The following FAM227A variants were observed in gnomAD, a reference collection of about 807,000 sequenced individuals.
FAM227A encodes the protein family with sequence similarity 227 member A, also known as protein FAM227A.
FAM227A carries 80 observed loss-of-function variants against 74.7 expected under a neutral mutation model. The observed-to-expected ratio is 1.07, with a 90% CI of 0.89 to 1.29. The LOEUF (loss-of-function observed/expected upper bound fraction) is 1.29, where lower values mean the gene tolerates loss of function less well. FAM227A is among the 50% of genes most tolerant of loss of function. FAM227A has a pLI of 0.00. For synonymous variants in FAM227A, 237 were observed against 241.8 expected, an observed-to-expected ratio of 0.98 and a Z score of 0.19; for missense variants, 654 against 683.4, an observed-to-expected ratio of 0.96 and a Z score of 0.48.
intron 11 of FAM227A, among the ~76,000 whole-genome samples, chr22:38,616,174 GT>G (rs1422938800): frequency 6.6e-6 from 1 of 152,214 alleles, no homozygotes; most frequent in Non-Finnish European, 1.5e-5. Flanking sequence ...ACTGTCAAAA[GT>G]TTGGCAACAA....
chr22:38,627,249 A>C (rs938161424), intron 8 of FAM227A, among the ~76,000 whole-genome samples: 1 of 152,048 alleles, frequency 6.6e-6, no homozygotes, highest in African/African-American at 2.4e-5. Context: ...TTATATGCTT[A>C]TTTAAATACT....
intron 3 of FAM227A, among the ~76,000 whole-genome samples, chr22:38,642,898 T>G (rs1417725675): frequency 2.6e-5 from 4 of 152,026 alleles, no homozygotes; most frequent in Admixed American, 2.6e-4. Context: ...ATTGCACCAC[T>G]GCACTCTAGC....
chr22:38,583,026 AGT>A lies in FAM227A; in HGVS notation c.*3097_*3098del. The stretch of plus-strand genomic sequence containing the variant: ...CAGACAAAAGATCCAGAAATAGGAA[AGT>A]GTGGTTCCTAGAGAAACTGCAAATG... On this transcript the variant is annotated 3_prime_UTR_variant, in exon 17 of 17. Coordinates refer to ENST00000535113, the MANE Select transcript of FAM227A (RefSeq NM_001013647.2). 6.8e-7 allele frequency: 1 copy of A among 1,479,218 alleles called. No homozygotes were observed. Among genetic ancestry groups the A allele is most frequent in the Non-Finnish European group, 9.2e-7 (1 of 1,086,316 alleles). The allele number at this position is 1,479,218 out of a possible 1,614,324, so 91.6% of individuals were successfully genotyped here.
At chr22:38,630,894 G>A (rs748933629) in intron 6 of FAM227A, among the ~76,000 whole-genome samples, 3 of 152,188 alleles carry the variant, frequency 2.0e-5, no homozygotes, top group Non-Finnish European at 4.4e-5. Context: ...ATGGCCAGGC[G>A]CAGTGGCTCA....
chr22:38,655,001 A>G (rs1045542671), intron 1 of FAM227A, among the ~76,000 whole-genome samples: 1 of 137,398 alleles, frequency 7.3e-6, no homozygotes, highest in African/African-American at 2.7e-5. Flanking sequence ...TTAGCCTGGC[A>G]TGGTGGCGGG....
At chr22:38,615,306 G>C (rs1189924224) in intron 11 of FAM227A, among the ~76,000 whole-genome samples, 1 of 152,218 alleles carries the variant, frequency 6.6e-6, no homozygotes, top group East Asian at 1.9e-4. Flanking sequence ...TTACAGGCTT[G>C]AGCCATCGCG....
chr22:38,640,565 C>A (rs999104977), intron 3 of FAM227A, among the ~76,000 whole-genome samples: 1 of 152,104 alleles, frequency 6.6e-6, no homozygotes, highest in Non-Finnish European at 1.5e-5. Context: ...TGATTGTCAA[C>A]CAAGAGTCCA....
At chr22:38,631,333 C>T (rs1331516147) in intron 6 of FAM227A, among the ~76,000 whole-genome samples, 1 of 151,964 alleles carries the variant, frequency 6.6e-6, no homozygotes, top group Non-Finnish European at 1.5e-5. Context: ...GGGAGCTGAA[C>T]ACTGGGTACG....
intron 2 of FAM227A, among the ~76,000 whole-genome samples, chr22:38,647,262 C>T (rs947058319): frequency 2.0e-5 from 3 of 151,632 alleles, no homozygotes; most frequent in African/African-American, 4.9e-5. Context: ...GTCAGGAGTT[C>T]GAGACTAGCC....
intron 14 of FAM227A, 78 bp downstream of exon 14, chr22:38,599,686 A>G: frequency 2.2e-6 from 3 of 1,389,996 alleles, no homozygotes; most frequent in Non-Finnish European, 2.9e-6. Context: ...CCTGGGTGCC[A>G]TTCCCTGACC....
At chr22:38,600,654 T>G (rs954783969) in intron 13 of FAM227A, among the ~76,000 whole-genome samples, 1 of 152,018 alleles carries the variant, frequency 6.6e-6, no homozygotes, top group Admixed American at 6.6e-5. Context: ...GTTATATATT[T>G]TATAGAAAAT....
At chr22:38,611,554 A>G (rs1022952939) in intron 11 of FAM227A, among the ~76,000 whole-genome samples, 1 of 152,184 alleles carries the variant, frequency 6.6e-6, no homozygotes, top group African/African-American at 2.4e-5. Flanking sequence ...GATTGAATCT[A>G]TAAGAATCAA....
intron 10 of FAM227A, among the ~76,000 whole-genome samples, chr22:38,622,816 C>T (rs2091718295): frequency 7.5e-6 from 1 of 133,476 alleles, no homozygotes; most frequent in Admixed American, 9.0e-5. Context: ...GTGGAGGTTG[C>T]AGTAAGCCGA....
In FAM227A at chr22:38,628,909, C is replaced by T; in HGVS notation, c.546G>A (p.Glu182=). ...GKHFCSGREL[E]KFLSSSSPRA... ...TTGGAGAAGAAGAAGAGAGAAACTT[C>T]TCTAATTCTCTACCTGAACAGAAAT... Residue 182 remains glutamate, a synonymous_variant, in exon 7 of 17, where the codon GAG becomes GAA. Coordinates refer to ENST00000535113, the MANE Select transcript of FAM227A (RefSeq NM_001013647.2). 2 of 1,538,416 alleles carry T rather than the reference C, an allele frequency of 1.3e-6. No individual in the cohort carries two copies. The highest frequency in any genetic ancestry group is 2.0e-5 in the Admixed American group (1 of 49,346).
At chr22:38,650,693 T>C (rs2092310394) in intron 1 of FAM227A, among the ~76,000 whole-genome samples, 1 of 152,130 alleles carries the variant, frequency 6.6e-6, no homozygotes, top group Non-Finnish European at 1.5e-5. Context: ...GATTCTAGAA[T>C]AAGGGGTCCA....
At chr22:38,608,921 G>A (rs1438689486) in intron 11 of FAM227A, among the ~76,000 whole-genome samples, 6 of 149,232 alleles carry the variant, frequency 4.0e-5, no homozygotes, top group African/African-American at 7.4e-5. Flanking sequence ...TCAGCTCCCC[G>A]AGTAGCTGGG....
chr22:38,628,833 C>T lies in FAM227A; in HGVS notation c.621+1G>A. 1.3e-6 allele frequency: 2 copies of T among 1,489,184 alleles called. No individual in the cohort carries two copies. The highest frequency in any genetic ancestry group is 2.5e-5 in the East Asian group (1 of 40,556). The allele number at this position is 1,489,184 out of a possible 1,614,324, so 92.2% of individuals were successfully genotyped here. On this transcript the variant is annotated splice_donor_variant, in intron 7 of 16. Coordinates refer to ENST00000535113, the MANE Select transcript of FAM227A (RefSeq NM_001013647.2). LOFTEE classifies it high-confidence loss of function. The stretch of plus-strand genomic sequence containing the variant: ...AGAGAAACAAGCAGATTTGTATTTA[C>T]CTGGTACCTCTCATGAAATATCCAC...
At chr22:38,594,621 T>C (rs1169072371) in intron 15 of FAM227A, among the ~76,000 whole-genome samples, 3 of 152,174 alleles carry the variant, frequency 2.0e-5, no homozygotes, top group Non-Finnish European at 4.4e-5. Flanking sequence ...TGATGTCTAA[T>C]GGGGTTTTGT....
chr22:38,578,693 T>G lies in FAM227A; in HGVS notation c.*7432A>C. 2 of 152,040 alleles carry G rather than the reference T, an allele frequency of 1.3e-5. No homozygotes were observed. The highest frequency in any genetic ancestry group is 6.6e-5 in the Admixed American group (1 of 15,224). The allele number at this position is 152,040 out of a possible 1,614,324, so 9.4% of individuals were successfully genotyped here. A position where few individuals can be genotyped will look rare whatever the true frequency, so the allele number is the denominator to read the frequency against. Reference sequence around the variant, plus strand: ...AACCAAGCAGAGGCTCTCTCTGGGGTTGCGGGGATGGTGGCCCTTAGCTTG... The same window carrying G: ...AACCAAGCAGAGGCTCTCTCTGGGGGTGCGGGGATGGTGGCCCTTAGCTTG... On this transcript the variant is annotated 3_prime_UTR_variant, in exon 17 of 17. Coordinates refer to ENST00000535113, the MANE Select transcript of FAM227A (RefSeq NM_001013647.2).
Sources: gnomAD v4.1 joint callset for allele counts (sites outside exome capture counted in the v4.1 genomes callset) on GRCh38, gnomAD v4.1.1 for gene constraint, MANE v1.5 for transcripts, NCBI Gene and HGNC (gene_info 2026-07-23, HGNC 2026-07-21) for gene names.